STXBP5L: variants seen among roughly 807,000 people sequenced by gnomAD.
The protein encoded by STXBP5L is syntaxin-binding protein 5-like.
A neutral mutation model predicts 144.5 loss-of-function variants in STXBP5L; 65 were observed. The observed-to-expected ratio is 0.45, with a 90% CI of 0.37 to 0.55. STXBP5L has a LOEUF of 0.55. Among genes scored for constraint, STXBP5L ranks in the 20% least tolerant of loss-of-function variants. The pLI is 0.00. For missense variants in STXBP5L, 1,298 were observed against 1,405.5 expected, an observed-to-expected ratio of 0.92 and a Z score of 1.22; for synonymous variants, 505 against 469.6, an observed-to-expected ratio of 1.08 and a Z score of -0.97.
At chr3:121,193,286 C>T (rs2047776689) in intron 9 of STXBP5L, among the ~76,000 whole-genome samples, 2 of 142,766 alleles carry the variant, frequency 1.4e-5, no homozygotes, top group Admixed American at 1.4e-4. Context: ...CGTCTCACAC[C>T]AGTTAGAATG....
chr3:121,038,939 A>G (rs1576742080), intron 3 of STXBP5L, among the ~76,000 whole-genome samples: 1 of 152,024 alleles, frequency 6.6e-6, no homozygotes, highest in East Asian at 1.9e-4. Context: ...AGCATGGTGT[A>G]TAATTTTCTA....
intron 19 of STXBP5L, among the ~76,000 whole-genome samples, chr3:121,296,952 T>C (rs917368625): frequency 1.3e-5 from 2 of 152,184 alleles, no homozygotes; most frequent in African/African-American, 4.8e-5. Context: ...TTATAGAATT[T>C]AACCAAAAGT....
At chr3:121,364,689 G>C (rs926835325) in intron 20 of STXBP5L, among the ~76,000 whole-genome samples, 5 of 151,736 alleles carry the variant, frequency 3.3e-5, no homozygotes, top group African/African-American at 1.2e-4. Context: ...TAATTCTTAA[G>C]TATTTTATTC....
chr3:121,372,627 G>A (rs993414821), intron 20 of STXBP5L, among the ~76,000 whole-genome samples: 4 of 152,102 alleles, frequency 2.6e-5, no homozygotes, highest in South Asian at 2.1e-4. Flanking sequence ...GCCCAATGCA[G>A]GTTTCCCAGC....
At chr3:121,050,385 T>C (rs1947874836) in intron 5 of STXBP5L, among the ~76,000 whole-genome samples, 2 of 152,286 alleles carry the variant, frequency 1.3e-5, no homozygotes, top group Admixed American at 6.5e-5. Context: ...CAAAAAACTT[T>C]AAGATCAGTA....
At chr3:120,995,467 C>G (rs9871852) in intron 3 of STXBP5L, among the ~76,000 whole-genome samples, 15,110 of 151,980 alleles carry the variant, frequency 0.099, 1,183 homozygotes, top group Admixed American at 0.2. Context: ...TTTTCTTGTT[C>G]TTCTGTTTCT....
chr3:121,318,310 A>G (rs2043850897), intron 19 of STXBP5L, among the ~76,000 whole-genome samples, 165 bp from the exon 20 acceptor site: 1 of 151,916 alleles, frequency 6.6e-6, no homozygotes, highest in African/African-American at 2.4e-5. Flanking sequence ...TAAAAAAAAA[A>G]TTAATAAAAA....
intron 20 of STXBP5L, among the ~76,000 whole-genome samples, chr3:121,355,193 T>C (rs188616230): frequency 6.6e-6 from 1 of 152,290 alleles, no homozygotes; most frequent in East Asian, 1.9e-4. Context: ...AGGAGTATCT[T>C]TGTAGTGTTC....
At position 120,971,258 on chromosome 3, in the gene STXBP5L, C is replaced by T. The variant is rs186904766; in HGVS notation, c.287+16221C>T. Reference sequence around the variant, plus strand: ...TAAGAAAATTTTTTTGTAAATTTTTCAAGTGCAATTTTGTTACATGGATAT... The same window carrying T: ...TAAGAAAATTTTTTTGTAAATTTTTTAAGTGCAATTTTGTTACATGGATAT... On this transcript the variant is annotated intron_variant, in intron 3 of 26. Transcript: ENST00000471454. Among the ~76,000 whole-genome samples, 61 of 152,010 alleles carry T rather than the reference C, an allele frequency of 4.0e-4. 2 individuals carry two copies. The East Asian group carries it at 0.011, about 27-fold the overall frequency.
intron 5 of STXBP5L, among the ~76,000 whole-genome samples, chr3:121,087,765 G>A (rs1171757714): frequency 6.6e-6 from 1 of 151,686 alleles, no homozygotes; most frequent in Admixed American, 6.6e-5. Flanking sequence ...CCTTTCTGTG[G>A]TTTAATTGAA....
chr3:121,329,517 T>C (rs2044254740), intron 20 of STXBP5L, among the ~76,000 whole-genome samples: 1 of 152,232 alleles, frequency 6.6e-6, no homozygotes, highest in South Asian at 2.1e-4. Context: ...AGAATTTTTT[T>C]ATACTTTTGG....
chr3:121,381,680 C>T, intron 22 of STXBP5L, 148 bp downstream of exon 22: 1 of 1,002,386 alleles, frequency 1.0e-6, no homozygotes, highest in Non-Finnish European at 1.4e-6. Context: ...ACATCATATA[C>T]CATCCCAACA....
chr3:121,409,526 G>A (rs1455041170), intron 23 of STXBP5L, among the ~76,000 whole-genome samples: 1 of 151,806 alleles, frequency 6.6e-6, no homozygotes, highest in Non-Finnish European at 1.5e-5. Context: ...CAGTGGTATA[G>A]ATCAGGGTTT....
In STXBP5L at chr3:121,157,637, A is replaced by T; in HGVS notation, c.877+10A>T. 6.3e-7 allele frequency: 1 copy of T among 1,594,634 alleles called. No homozygotes were observed. ...ACCACAATTCCACATGGTAAGATGT[A>T]TGCTTTCAAAAGGAATAAACACTGG... On this transcript the variant is annotated intron_variant, in intron 9 of 26. Coordinates refer to ENST00000471454, the MANE Select transcript of STXBP5L (RefSeq NM_001308330.2).
chr3:121,286,236 T>A (rs1454293395), intron 19 of STXBP5L, among the ~76,000 whole-genome samples: 1 of 150,406 alleles, frequency 6.6e-6, no homozygotes, highest in East Asian at 1.9e-4. Context: ...ACCTGAAACA[T>A]AAAGAAGAAA....
intron 5 of STXBP5L, among the ~76,000 whole-genome samples, chr3:121,062,728 C>T (rs1355606945): frequency 6.6e-6 from 1 of 152,100 alleles, no homozygotes; most frequent in African/African-American, 2.4e-5. Context: ...TTTTTCTAAT[C>T]TTGTCTTCGT....
chr3:120,959,140 TC>T (rs1229699403), intron 3 of STXBP5L, among the ~76,000 whole-genome samples: 2 of 152,136 alleles, frequency 1.3e-5, no homozygotes, highest in African/African-American at 4.8e-5. Context: ...ATGAGTGAAC[TC>T]CCATTCACAA....
chr3:121,333,987 A>G (rs2044415451), intron 20 of STXBP5L, among the ~76,000 whole-genome samples: 1 of 151,976 alleles, frequency 6.6e-6, no homozygotes, highest in African/African-American at 2.4e-5. Flanking sequence ...GAGATAATTG[A>G]ATCATGGCAG....
intron 20 of STXBP5L, among the ~76,000 whole-genome samples, chr3:121,324,779 T>A (rs2044089431): frequency 6.6e-6 from 1 of 152,040 alleles, no homozygotes; most frequent in Non-Finnish European, 1.5e-5. Context: ...GAATTAGGAA[T>A]CCCTAAGGCT....
Sources: gnomAD v4.1 joint callset for allele counts (sites outside exome capture counted in the v4.1 genomes callset) on GRCh38, gnomAD v4.1.1 for gene constraint, MANE v1.5 for transcripts, NCBI Gene and HGNC (gene_info 2026-07-23, HGNC 2026-07-21) for gene names.